MAML3: variants seen among roughly 807,000 people sequenced by gnomAD.
MAML3 encodes the protein mastermind-like protein 3.
MAML3 carries 27 observed loss-of-function variants against 101.9 expected under a neutral mutation model. The observed-to-expected ratio is 0.27, with a 90% CI of 0.20 to 0.37. The LOEUF (loss-of-function observed/expected upper bound fraction) is 0.37. Ranked by LOEUF, MAML3 falls within the 10% of genes least tolerant of loss-of-function variation. MAML3 has a pLI of 1.00. For synonymous variants in MAML3, 501 were observed against 555.9 expected (o/e 0.90, Z 1.39); for missense variants, 1,316 against 1,444.9 (o/e 0.91, Z 1.45).
At chr4:140,124,182 C>T (rs926419034) in intron 1 of MAML3, among the ~76,000 whole-genome samples, 1 of 152,192 alleles carries the variant, frequency 6.6e-6, no homozygotes, top group Non-Finnish European at 1.5e-5. Flanking sequence ...CCTTCCTCTC[C>T]AGTTTCCTTG....
At chr4:139,942,632 C>CTT (rs760397954) in intron 1 of MAML3, among the ~76,000 whole-genome samples, 17 of 144,374 alleles carry the variant, frequency 1.2e-4, no homozygotes, top group African/African-American at 4.1e-4. Flanking sequence ...AATTTCATTA[C>CTT]TTTTTTTTTT....
chr4:140,120,099 T>C (rs944466885), intron 1 of MAML3, among the ~76,000 whole-genome samples: 9 of 151,024 alleles, frequency 6.0e-5, no homozygotes, highest in East Asian at 2.0e-4. Context: ...TAGCCGGGCG[T>C]GGTGGCGGGC....
In MAML3 at chr4:139,789,878, G is replaced by A. The variant is rs80318701; in HGVS notation, c.2080-59211C>T. On this transcript the variant is annotated intron_variant, in intron 2 of 4. Coordinates refer to ENST00000509479, the MANE Select transcript of MAML3 (RefSeq NM_018717.5). ...GTGGAGGGACTTGGACATGGGGGTCGAAGGTGACTAAACTTGGGTGACTGA... is the reference window on the plus strand; with the variant it reads ...GTGGAGGGACTTGGACATGGGGGTCAAAGGTGACTAAACTTGGGTGACTGA... Among the ~76,000 whole-genome samples the A allele has an allele frequency of 4.1e-4, 62 of 152,076 alleles. No homozygotes were observed. The East Asian group carries it at 5.2e-3, about 13-fold the overall frequency.
chr4:139,998,494 A>G (rs957258634), intron 1 of MAML3, among the ~76,000 whole-genome samples: 38 of 152,130 alleles, frequency 2.5e-4, no homozygotes, highest in Non-Finnish European at 5.9e-5. Flanking sequence ...TCAACCTTTC[A>G]AAGTCTTTTT....
At chr4:139,994,393 A>G (rs1247621937) in intron 1 of MAML3, among the ~76,000 whole-genome samples, 1 of 152,238 alleles carries the variant, frequency 6.6e-6, no homozygotes, top group Non-Finnish European at 1.5e-5. Flanking sequence ...AGCCAGGTGC[A>G]GTGGCTCACG....
chr4:140,146,906 T>G (rs1729073351), intron 1 of MAML3, among the ~76,000 whole-genome samples: 1 of 151,786 alleles, frequency 6.6e-6, no homozygotes, highest in Non-Finnish European at 1.5e-5. Flanking sequence ...GAGGCTGAGG[T>G]GGGCAGATCA....
intron 2 of MAML3, among the ~76,000 whole-genome samples, chr4:139,784,626 T>A (rs1455645413): frequency 6.6e-6 from 1 of 152,238 alleles, no homozygotes; most frequent in Non-Finnish European, 1.5e-5. Flanking sequence ...AAAAGAAACA[T>A]TTGTATTGCT....
chr4:140,138,431 A>G (rs1728931226), intron 1 of MAML3, among the ~76,000 whole-genome samples: 1 of 152,242 alleles, frequency 6.6e-6, no homozygotes, highest in African/African-American at 2.4e-5. Flanking sequence ...CCATTTAGCC[A>G]TAACAACTTC....
chr4:139,821,212 G>A (rs1293515721), intron 2 of MAML3, among the ~76,000 whole-genome samples: 2 of 152,144 alleles, frequency 1.3e-5, no homozygotes, highest in African/African-American at 2.4e-5. Context: ...ATATGTATTA[G>A]GCCAGGGGTC....
At chr4:139,880,041 C>T (rs1732189058) in intron 2 of MAML3, among the ~76,000 whole-genome samples, 1 of 152,102 alleles carries the variant, frequency 6.6e-6, no homozygotes, top group African/African-American at 2.4e-5. Context: ...GGCGTGGCGG[C>T]CTGTGCCTGT....
At chr4:139,943,027 A>C (rs1481859852) in intron 1 of MAML3, among the ~76,000 whole-genome samples, 2 of 152,232 alleles carry the variant, frequency 1.3e-5, no homozygotes, top group East Asian at 3.8e-4. Context: ...ATTTTAAACA[A>C]AAATGTACGA....
chr4:140,145,065 G>C (rs1362339172), intron 1 of MAML3, among the ~76,000 whole-genome samples: 2 of 151,652 alleles, frequency 1.3e-5, no homozygotes, highest in African/African-American at 4.8e-5. Context: ...AACCCAGGTT[G>C]AATCTACACA....
chr4:139,786,867 C>T (rs911369962), intron 2 of MAML3, among the ~76,000 whole-genome samples: 5 of 152,140 alleles, frequency 3.3e-5, no homozygotes, highest in African/African-American at 1.2e-4. Flanking sequence ...GATATATTGA[C>T]TTTAGGGAAA....
At chr4:139,948,458 C>T (rs920444424) in intron 1 of MAML3, among the ~76,000 whole-genome samples, 9 of 152,200 alleles carry the variant, frequency 5.9e-5, no homozygotes, top group African/African-American at 1.9e-4. Flanking sequence ...AGACATTTAA[C>T]ATTCATAGGT....
At chr4:139,880,431 G>A (rs1008000003) in intron 2 of MAML3, among the ~76,000 whole-genome samples, 1 of 152,076 alleles carries the variant, frequency 6.6e-6, no homozygotes, top group African/African-American at 2.4e-5. Context: ...CCTGGATTCA[G>A]TCAGTGAGGA....
intron 2 of MAML3, among the ~76,000 whole-genome samples, chr4:139,775,671 G>A (rs1434300640): frequency 6.6e-6 from 1 of 152,058 alleles, no homozygotes; most frequent in Non-Finnish European, 1.5e-5. Context: ...TTTGATTTCA[G>A]GTTTGCATTT....
intron 1 of MAML3, among the ~76,000 whole-genome samples, chr4:140,036,991 C>CAG (rs2110900799): frequency 6.6e-6 from 1 of 152,242 alleles, no homozygotes; most frequent in South Asian, 2.1e-4. Flanking sequence ...GAATTTATAT[C>CAG]AGACTGATAT....
chr4:139,898,438 CAT>C (rs1732654034), intron 1 of MAML3, among the ~76,000 whole-genome samples: 1 of 152,228 alleles, frequency 6.6e-6, no homozygotes, highest in Non-Finnish European at 1.5e-5. Flanking sequence ...ACCATGGTCA[CAT>C]GTTTTCACAT....
At chr4:140,045,121 C>A (rs1215636546) in intron 1 of MAML3, among the ~76,000 whole-genome samples, 2 of 152,170 alleles carry the variant, frequency 1.3e-5, no homozygotes, top group Non-Finnish European at 2.9e-5. Flanking sequence ...CTGGGCCAGG[C>A]ACAGTGGCTC....
Sources: gnomAD v4.1 joint callset for allele counts (sites outside exome capture counted in the v4.1 genomes callset) on GRCh38, gnomAD v4.1.1 for gene constraint, MANE v1.5 for transcripts, NCBI Gene and HGNC (gene_info 2026-07-23, HGNC 2026-07-21) for gene names.